Variants in TMEM248 observed in about 807,000 individuals in gnomAD.
TMEM248 encodes UPF0458 protein C7orf42.
In TMEM248, 9 loss-of-function variants were observed where a neutral mutation model predicts 30.3. The ratio of observed to expected loss-of-function variants is 0.30; its 90% CI spans 0.18 to 0.52. TMEM248 has a LOEUF of 0.52. TMEM248 is among the 20% of genes least tolerant of loss of function. The pLI is 0.97. For missense variants in TMEM248, 338 were observed against 403.3 expected (o/e 0.84, Z 1.39); for synonymous variants, 184 against 154.4 (o/e 1.19, Z -1.42).
At chr7:66,924,468 G>C (rs1262195863) in intron 1 of TMEM248, among the ~76,000 whole-genome samples, 1 of 152,092 alleles carries the variant, frequency 6.6e-6, no homozygotes, top group Non-Finnish European at 1.5e-5. Context: ...ACAGTGGCGC[G>C]ATCTCAGCTC....
At chr7:66,950,483 A>G (rs1303058927) in intron 4 of TMEM248, among the ~76,000 whole-genome samples, 1 of 152,170 alleles carries the variant, frequency 6.6e-6, no homozygotes, top group Non-Finnish European at 1.5e-5. Context: ...CACTTCCGCC[A>G]TGCTTGTAAG....
chr7:66,928,378 C>T (rs374170490), intron 1 of TMEM248, among the ~76,000 whole-genome samples: 37 of 149,440 alleles, frequency 2.5e-4, no homozygotes, highest in African/African-American at 9.1e-4. Flanking sequence ...GTCTTATCAA[C>T]CTTGGCATTG....
intron 3 of TMEM248, among the ~76,000 whole-genome samples, chr7:66,947,869 C>T (rs1449874156): frequency 3.3e-5 from 5 of 152,020 alleles, no homozygotes; most frequent in Non-Finnish European, 7.4e-5. Context: ...CTCAAGTGAT[C>T]CTCCCTAGTA....
At position 66,935,608 on chromosome 7, in the gene TMEM248, C is replaced by T. The variant is rs114785136; in HGVS notation, c.-18-6240C>T. 3.0e-3 allele frequency among the ~76,000 whole-genome samples: 457 copies of T among 152,310 alleles called. 2 individuals carry two copies. The highest frequency in any genetic ancestry group is 0.011 in the African/African-American group (444 of 41,570). ...TGCAGGCTGGAGTGCAGAGGCACGA[C>T]GTTGGCTCACTACAACCTCTGCTTC... On this transcript the variant is annotated intron_variant, in intron 1 of 6. Coordinates refer to ENST00000341567, the MANE Select transcript of TMEM248 (RefSeq NM_017994.5).
intron 6 of TMEM248, among the ~76,000 whole-genome samples, chr7:66,954,933 A>G (rs1381124757): frequency 6.6e-6 from 1 of 152,162 alleles, no homozygotes; most frequent in Non-Finnish European, 1.5e-5. Context: ...CTGTAGTTCC[A>G]TCAGCATAAG....
rs1203202763 is a variant in TMEM248, at chr7:66,958,513, T to C, written c.*2991T>C. On this transcript the variant is annotated 3_prime_UTR_variant, in exon 7 of 7. Transcript: ENST00000341567. ...AGATTAATTTTCCGTGTTTGAAGTA[T>C]GTGCATATGTGCTTTACAGAATAAA... The C allele has an allele frequency of 6.5e-6, 1 of 152,688 alleles. No individual in the cohort carries two copies. The highest frequency in any genetic ancestry group is 1.5e-5 in the Non-Finnish European group (1 of 68,050). 9.5% of individuals were successfully genotyped at this position (152,688 alleles called of 1,614,324 possible).
At chr7:66,933,293 C>G (rs150827189) in intron 1 of TMEM248, among the ~76,000 whole-genome samples, 1 of 152,342 alleles carries the variant, frequency 6.6e-6, no homozygotes, top group African/African-American at 2.4e-5. Flanking sequence ...CCTCAGCCCC[C>G]CACGTAGCTG....
intron 2 of TMEM248, 105 bp downstream of exon 2, chr7:66,942,129 A>G (rs965189466): frequency 1.6e-6 from 2 of 1,231,704 alleles, no homozygotes; most frequent in Non-Finnish European, 2.3e-6. Flanking sequence ...TTTCTCTCCT[A>G]GTGAGAAAAA....
intron 1 of TMEM248, among the ~76,000 whole-genome samples, chr7:66,934,523 C>T (rs17748121): frequency 0.077 from 11,706 of 152,208 alleles, 606 homozygotes; most frequent in East Asian, 0.28. Flanking sequence ...TTTTTAGTGA[C>T]TATAATTGTC....
chr7:66,955,365 ATTTTCTT>A, intron 6 of TMEM248, 130 bp from the exon 7 acceptor site: 1 of 1,019,596 alleles, frequency 9.8e-7, no homozygotes, highest in Non-Finnish European at 1.5e-6. Context: ...CCTAGGTGAG[ATTTTCTT>A]TTTAGGGATT....
chr7:66,926,692 C>T (rs893127534), intron 1 of TMEM248, among the ~76,000 whole-genome samples: 10 of 150,894 alleles, frequency 6.6e-5, no homozygotes, highest in Non-Finnish European at 1.3e-4. Flanking sequence ...CTTGGCCTTT[C>T]TTTAAAATGA....
At chr7:66,946,941 C>T (rs1053420565) in intron 3 of TMEM248, among the ~76,000 whole-genome samples, 1 of 152,088 alleles carries the variant, frequency 6.6e-6, no homozygotes, top group Non-Finnish European at 1.5e-5. Flanking sequence ...AGGCTAGATG[C>T]AGTGGCTCAT....
intron 3 of TMEM248, among the ~76,000 whole-genome samples, chr7:66,946,085 CAA>C (rs34151581): frequency 5.3e-4 from 55 of 104,050 alleles, no homozygotes; most frequent in Non-Finnish European, 5.2e-4. Flanking sequence ...ACTCTCTCTC[CAA>C]AAAAAAAAAA....
chr7:66,938,026 A>G (rs998975686), intron 1 of TMEM248, among the ~76,000 whole-genome samples: 13 of 151,916 alleles, frequency 8.6e-5, no homozygotes, highest in Non-Finnish European at 1.8e-4. Context: ...GCGCCCGGTT[A>G]TTTCTTTATT....
At chr7:66,937,733 G>A (rs1328730363) in intron 1 of TMEM248, among the ~76,000 whole-genome samples, 3 of 151,712 alleles carry the variant, frequency 2.0e-5, no homozygotes, top group African/African-American at 7.3e-5. Flanking sequence ...TTTTTGAGAC[G>A]GAGTTTTGCT....
Position 66,932,814 on chromosome 7 carries a change from C to T in TMEM248, c.-18-9034C>T, listed in dbSNP as rs893281649. On this transcript the variant is annotated intron_variant, in intron 1 of 6. Coordinates refer to ENST00000341567, the MANE Select transcript of TMEM248 (RefSeq NM_017994.5). ...TACAGGCATGAGCCACCGCGCCTGG[C>T]CGATTTTATTTTTTTATGGCAACTG... Among the ~76,000 whole-genome samples, 15 of 150,886 alleles carry T rather than the reference C, an allele frequency of 9.9e-5. 1 individual carries two copies. Among genetic ancestry groups the T allele is most frequent in the Admixed American group, 6.0e-4 (9 of 15,052 alleles).
At chr7:66,942,998 A>G (rs1409824751) in intron 2 of TMEM248, among the ~76,000 whole-genome samples, 1 of 150,808 alleles carries the variant, frequency 6.6e-6, no homozygotes, top group Non-Finnish European at 1.5e-5. Flanking sequence ...AGGGCATTCT[A>G]GATCTTAAGT....
At chr7:66,952,154 A>G (rs1408908079) in intron 5 of TMEM248, among the ~76,000 whole-genome samples, 1 of 151,636 alleles carries the variant, frequency 6.6e-6, no homozygotes, top group Non-Finnish European at 1.5e-5. Flanking sequence ...CAGTGGCACA[A>G]TCTCGGTTCG....
intron 4 of TMEM248, among the ~76,000 whole-genome samples, chr7:66,950,567 C>T (rs768472722): frequency 2.0e-5 from 3 of 152,070 alleles, no homozygotes; most frequent in East Asian, 1.9e-4. Context: ...AACCCAGTCC[C>T]GGGTATGTCT....
Sources: allele counts gnomAD v4.1 joint callset (sites outside exome capture counted in the v4.1 genomes callset), GRCh38; gene constraint gnomAD v4.1.1; transcripts MANE v1.5; gene names NCBI Gene and HGNC (gene_info 2026-07-23, HGNC 2026-07-21).